FRMD4B: variants seen among roughly 807,000 people sequenced by gnomAD.
FRMD4B encodes FERM domain-containing protein 4B.
A neutral mutation model predicts 141.5 loss-of-function variants in FRMD4B; 74 were observed. The ratio of observed to expected loss-of-function variants is 0.52; its 90% CI spans 0.43 to 0.63. The LOEUF (loss-of-function observed/expected upper bound fraction) is 0.63, where lower values mean the gene tolerates loss of function less well. Among genes scored for constraint, FRMD4B ranks in the 30% least tolerant of loss-of-function variants. The pLI is 0.00. For missense variants in FRMD4B, 1,366 were observed against 1,253.4 expected, an observed-to-expected ratio of 1.09 and a Z score of -1.36; for synonymous variants, 506 against 467.9, an observed-to-expected ratio of 1.08 and a Z score of -1.05.
chr3:69,536,163 G>C, intron 1 of FRMD4B: 1 of 530,948 alleles, frequency 1.9e-6, no homozygotes, highest in Non-Finnish European at 3.5e-6. Flanking sequence ...ACCTCTGCTG[G>C]CCTCTTCGCT....
intron 8 of FRMD4B, among the ~76,000 whole-genome samples, chr3:69,222,197 G>A (rs1362150958): frequency 6.6e-6 from 1 of 152,036 alleles, no homozygotes; most frequent in East Asian, 1.9e-4. Flanking sequence ...GCACAGCCAG[G>A]CGTGGTGGCT....
At chr3:69,496,639 G>GAGAA (rs1706401093) in intron 1 of FRMD4B, among the ~76,000 whole-genome samples, 1 of 55,976 alleles carries the variant, frequency 1.8e-5, no homozygotes, top group East Asian at 5.7e-4. Context: ...GAGAGAGAAA[G>GAGAA]AGAGAGAGAG....
intron 1 of FRMD4B, among the ~76,000 whole-genome samples, chr3:69,442,992 G>C (rs1705363034): frequency 6.6e-6 from 1 of 152,198 alleles, no homozygotes; most frequent in African/African-American, 2.4e-5. Flanking sequence ...GGTGAGAGAA[G>C]CATCTTTTGT....
chr3:69,502,288 A>C (rs554550945), intron 1 of FRMD4B, among the ~76,000 whole-genome samples: 1 of 152,314 alleles, frequency 6.6e-6, no homozygotes, highest in African/African-American at 2.4e-5. Flanking sequence ...ACTATACTAC[A>C]AGGCTACAGT....
At position 69,506,295 on chromosome 3, in the gene FRMD4B, T is replaced by C. The variant is rs561291535; in HGVS notation, c.-129+35911A>G. ...GGACTCATAAGTGTTGGAATTCTCT[T>C]ACATGTCAATTAGGGGAGGCATTTT... On this transcript the variant is annotated intron_variant, in intron 1 of 5. Transcript: ENST00000459638. Among the ~76,000 whole-genome samples, 81 of 152,216 alleles carry C rather than the reference T, an allele frequency of 5.3e-4. 1 individual carries two copies. The highest frequency in any genetic ancestry group is 6.9e-4 in the Non-Finnish European group (47 of 68,018).
chr3:69,498,931 G>A (rs992561563), intron 1 of FRMD4B, among the ~76,000 whole-genome samples: 21 of 151,984 alleles, frequency 1.4e-4, no homozygotes, highest in African/African-American at 4.1e-4. Flanking sequence ...GTTCTATTTG[G>A]GAAGATAACT....
chr3:69,431,735 C>T lies in FRMD4B; in HGVS notation c.-1+899G>A, dbSNP rs147228347. Among the ~76,000 whole-genome samples the T allele has an allele frequency of 1.3e-4, 20 of 152,294 alleles. No individual in the cohort carries two copies. In the East Asian group the frequency reaches 2.3e-3, roughly 18 times the overall value. On this transcript the variant is annotated intron_variant, in intron 2 of 5. Coordinates refer to the FRMD4B transcript ENST00000459638. ...GGTAGGGCAAGATCTCCAGAGTCGA[C>T]GTCCTTGACTGCTACATCTCTCCAG...
chr3:69,297,517 G>A (rs1166235807), intron 4 of FRMD4B, among the ~76,000 whole-genome samples: 5 of 152,132 alleles, frequency 3.3e-5, no homozygotes, highest in African/African-American at 1.2e-4. Context: ...TAATAAAGGG[G>A]ATGAAAGATG....
intron 5 of FRMD4B, among the ~76,000 whole-genome samples, chr3:69,261,659 C>T (rs1333560059): frequency 6.6e-6 from 1 of 152,068 alleles, no homozygotes; most frequent in Non-Finnish European, 1.5e-5. Flanking sequence ...TGAAAGCAGA[C>T]ATTTTTAAAT....
chr3:69,305,121 C>T (rs1701350220), intron 3 of FRMD4B, among the ~76,000 whole-genome samples: 1 of 152,166 alleles, frequency 6.6e-6, no homozygotes, highest in South Asian at 2.1e-4. Context: ...TTCCTTTCTT[C>T]TTCCCTCCAC....
chr3:69,542,115 C>G (rs1701195445), intron 1 of FRMD4B: 1 of 152,004 alleles, frequency 6.6e-6, no homozygotes, highest in Admixed American at 6.5e-5. Flanking sequence ...GTGCGCGCTG[C>G]GCCCGGGGCG....
At chr3:69,239,668 T>C (rs1449214698) in intron 7 of FRMD4B, among the ~76,000 whole-genome samples, 1 of 152,172 alleles carries the variant, frequency 6.6e-6, no homozygotes, top group African/African-American at 2.4e-5. Context: ...AGAATGGTGG[T>C]GGCCATGGAC....
chr3:69,214,643 G>A (rs2093120785), intron 11 of FRMD4B, among the ~76,000 whole-genome samples: 2 of 152,118 alleles, frequency 1.3e-5, no homozygotes, highest in Non-Finnish European at 2.9e-5. Flanking sequence ...AAGATCGCTT[G>A]AGCCCAGGAG....
At chr3:69,332,742 A>ATTTTTTTT (rs58437578) in intron 1 of FRMD4B, among the ~76,000 whole-genome samples, 9 of 67,550 alleles carry the variant, frequency 1.3e-4, no homozygotes, top group African/African-American at 5.0e-4. Flanking sequence ...ACACCTGGCT[A>ATTTTTTTT]TTTTTTTTTT....
At chr3:69,397,805 C>T (rs1345175399) in intron 2 of FRMD4B, among the ~76,000 whole-genome samples, 1 of 152,032 alleles carries the variant, frequency 6.6e-6, no homozygotes, top group Non-Finnish European at 1.5e-5. Context: ...GTAACGGTTG[C>T]ACCACTCTGT....
chr3:69,537,625 TA>T (rs1289254872), intron 1 of FRMD4B, among the ~76,000 whole-genome samples: 125 of 152,296 alleles, frequency 8.2e-4, no homozygotes, highest in African/African-American at 2.9e-3. Flanking sequence ...CATTGGAAAA[TA>T]AAGTAACTAC....
intron 1 of FRMD4B, among the ~76,000 whole-genome samples, chr3:69,358,980 G>C (rs903262189): frequency 1.3e-5 from 2 of 152,102 alleles, no homozygotes; most frequent in Admixed American, 1.3e-4. Context: ...CCAGAACCAT[G>C]AGCCAAATAA....
chr3:69,182,850 C>A (rs562925092), intron 19 of FRMD4B, 133 bp from the exon 20 acceptor site: 7 of 804,008 alleles, frequency 8.7e-6, no homozygotes, highest in Non-Finnish European at 1.4e-5. Flanking sequence ...GGAAGAGTGT[C>A]TTTGTGGTTC....
intron 1 of FRMD4B, among the ~76,000 whole-genome samples, chr3:69,447,721 T>C (rs1406976404): frequency 6.6e-6 from 1 of 152,198 alleles, no homozygotes; most frequent in East Asian, 1.9e-4. Flanking sequence ...GCCCTTCCCT[T>C]AGGAAACCAC....
Sources: allele counts gnomAD v4.1 joint callset (sites outside exome capture counted in the v4.1 genomes callset), GRCh38; gene constraint gnomAD v4.1.1; transcripts MANE v1.5; gene names NCBI Gene and HGNC (gene_info 2026-07-23, HGNC 2026-07-21).